The following ECPAS variants were observed in gnomAD, a reference collection of about 807,000 sequenced individuals.
ECPAS encodes the protein proteasome adapter and scaffold protein ECM29.
In ECPAS, 70 loss-of-function variants were observed where a neutral mutation model predicts 255.1. The observed-to-expected ratio is 0.27, with a 90% CI of 0.23 to 0.33. ECPAS has a LOEUF of 0.33. Ranked by LOEUF, ECPAS falls within the 10% of genes least tolerant of loss-of-function variation. The pLI is 1.00. For synonymous variants in ECPAS, 784 were observed against 775.0 expected (o/e 1.01, Z -0.19); for missense variants, 1,817 against 2,206.4 (o/e 0.82, Z 3.54).
chr9:111,362,406 T>C (rs1208101807), intron 49 of ECPAS, among the ~76,000 whole-genome samples: 1 of 152,012 alleles, frequency 6.6e-6, no homozygotes, highest in Non-Finnish European at 1.5e-5. Flanking sequence ...GGGAGTTTCC[T>C]CTCCTTCCCC....
intron 2 of ECPAS, among the ~76,000 whole-genome samples, chr9:111,461,668 A>T (rs1280794000): frequency 6.6e-6 from 1 of 152,216 alleles, no homozygotes; most frequent in Non-Finnish European, 1.5e-5. Context: ...ACTGTATTCC[A>T]ATATGGGAGA....
intron 8 of ECPAS, among the ~76,000 whole-genome samples, chr9:111,431,275 C>T (rs1214111521): frequency 6.6e-6 from 1 of 152,080 alleles, no homozygotes; most frequent in Non-Finnish European, 1.5e-5. Context: ...TGATTGGTGA[C>T]AGCTGGGCAT....
intron 31 of ECPAS, among the ~76,000 whole-genome samples, chr9:111,387,688 C>T (rs1431404583): frequency 1.3e-5 from 2 of 151,904 alleles, no homozygotes; most frequent in Admixed American, 6.6e-5. Context: ...TCTCACTCAT[C>T]GTCAGTGCAG....
intron 8 of ECPAS, among the ~76,000 whole-genome samples, chr9:111,432,852 T>C (rs1056569351): frequency 6.6e-6 from 1 of 152,246 alleles, no homozygotes; most frequent in Non-Finnish European, 1.5e-5. Flanking sequence ...TTTCACTGTA[T>C]TAACCATAAT....
intron 24 of ECPAS, among the ~76,000 whole-genome samples, chr9:111,399,780 C>CT (rs1396420131): frequency 1.3e-5 from 2 of 152,258 alleles, no homozygotes; most frequent in Admixed American, 6.5e-5. Flanking sequence ...AAGAGCACTT[C>CT]TAGACCCACC....
chr9:111,423,270 G>C, intron 12 of ECPAS, 22 bp from the exon 13 acceptor site: 1 of 1,487,106 alleles, frequency 6.7e-7, no homozygotes, highest in Middle Eastern at 1.7e-4. Context: ...AAAAAGAAAA[G>C]AAAGAAAAGA....
At chr9:111,369,404 T>TACTGCAAAAG (rs901065011) in intron 45 of ECPAS, among the ~76,000 whole-genome samples, 9 of 152,014 alleles carry the variant, frequency 5.9e-5, no homozygotes, top group African/African-American at 2.2e-4. Context: ...AGCTAAAAAA[T>TACTGCAAAAG]ACTGCATATG....
At chr9:111,414,679 C>T (rs768441439) in intron 18 of ECPAS, 28 bp from the exon 19 acceptor site, 3 of 1,577,942 alleles carry the variant, frequency 1.9e-6, no homozygotes, top group African/African-American at 1.3e-5. Context: ...AGGAAGACTG[C>T]ATAAGCTTCT....
intron 39 of ECPAS, among the ~76,000 whole-genome samples, chr9:111,373,759 A>G (rs2098130221): frequency 6.6e-6 from 1 of 152,214 alleles, no homozygotes; most frequent in South Asian, 2.1e-4. Flanking sequence ...ACTAAGGAAT[A>G]ATCAAATGTT....
chr9:111,374,379 T>C (rs893524800), intron 38 of ECPAS, among the ~76,000 whole-genome samples: 2 of 152,164 alleles, frequency 1.3e-5, no homozygotes, highest in Non-Finnish European at 2.9e-5. Flanking sequence ...AAGACACTCA[T>C]CACAGTGCTT....
At chr9:111,465,179 T>C (rs1381869282) in intron 2 of ECPAS, among the ~76,000 whole-genome samples, 5 of 152,042 alleles carry the variant, frequency 3.3e-5, no homozygotes, top group Non-Finnish European at 7.4e-5. Context: ...ATACAAGACC[T>C]GAAGCTGATA....
intron 2 of ECPAS, among the ~76,000 whole-genome samples, chr9:111,471,903 G>C (rs2098288710): frequency 6.6e-6 from 1 of 151,850 alleles, no homozygotes; most frequent in Non-Finnish European, 1.5e-5. Context: ...AGGAGTTCCA[G>C]ACCAGCCTAG....
chr9:111,393,789 AAG>A, intron 26 of ECPAS, 55 bp from the exon 27 acceptor site: 1 of 1,205,486 alleles, frequency 8.3e-7, no homozygotes, highest in Non-Finnish European at 1.2e-6. Flanking sequence ...TTGAGAGAAT[AAG>A]AGTCTTGCTC....
intron 26 of ECPAS, among the ~76,000 whole-genome samples, 194 bp from the exon 27 acceptor site, chr9:111,393,928 C>A (rs999816755): frequency 3.9e-5 from 6 of 152,238 alleles, no homozygotes; most frequent in Non-Finnish European, 8.8e-5. Context: ...CACATGCAAG[C>A]TGACCACTGC....
chr9:111,425,790 T>C lies in ECPAS; in HGVS notation c.1089A>G (p.Ser363=). The part of the protein sequence containing the change: ...YDGLFGTNTN[S]KLRTLSLQFV... ...ATTGCAGGGATAATGTTCTTAACTT[T>C]GAATTTGTATTTGTACCAAAAAGTC... The change falls in exon 11 of 50, where the codon TCA becomes TCG. Residue 363 remains serine (S), a synonymous_variant. Transcript: ENST00000684092. 8 of 1,588,576 alleles carry C rather than the reference T, an allele frequency of 5.0e-6. No individual in the cohort carries two copies. The highest frequency in any genetic ancestry group is 6.9e-6 in the Non-Finnish European group (8 of 1,159,948).
At chr9:111,390,671 C>T (rs2098158297) in intron 29 of ECPAS, among the ~76,000 whole-genome samples, 2 of 152,178 alleles carry the variant, frequency 1.3e-5, no homozygotes, top group Admixed American at 6.5e-5. Flanking sequence ...GGAACGTCAA[C>T]GATGGAACAA....
chr9:111,406,172 T>C (rs1474741947), intron 24 of ECPAS, among the ~76,000 whole-genome samples: 1 of 149,820 alleles, frequency 6.7e-6, no homozygotes, highest in Non-Finnish European at 1.5e-5. Flanking sequence ...ATATACACAA[T>C]GGAATATTAT....
At chr9:111,396,583 C>T (rs1395779780) in intron 25 of ECPAS, among the ~76,000 whole-genome samples, 1 of 152,178 alleles carries the variant, frequency 6.6e-6, no homozygotes, top group Non-Finnish European at 1.5e-5. Flanking sequence ...CAGAGTCTTA[C>T]TCTGTCGCCC....
chr9:111,452,919 A>G (rs1442274701), intron 2 of ECPAS, among the ~76,000 whole-genome samples: 1 of 152,186 alleles, frequency 6.6e-6, no homozygotes, highest in Non-Finnish European at 1.5e-5. Context: ...AAACAAGATG[A>G]GCCTGAAGCG....
Sources: gnomAD v4.1 joint callset for allele counts (sites outside exome capture counted in the v4.1 genomes callset) on GRCh38, gnomAD v4.1.1 for gene constraint, MANE v1.5 for transcripts, NCBI Gene and HGNC (gene_info 2026-07-23, HGNC 2026-07-21) for gene names.